The following AP2B1 variants were observed in gnomAD, a reference collection of about 807,000 sequenced individuals.
The protein encoded by AP2B1 is adaptor related protein complex 2 subunit beta 1.
Under a neutral mutation model 102.0 loss-of-function variants are expected in AP2B1, and 23 were observed. The observed-to-expected ratio is 0.23, with a 90% CI of 0.16 to 0.32. AP2B1 has a LOEUF of 0.32. Among genes scored for constraint, AP2B1 ranks in the 10% least tolerant of loss-of-function variants. The pLI is 1.00. For missense variants in AP2B1, 541 were observed against 1,157.4 expected (o/e 0.47, Z 7.73); for synonymous variants, 381 against 421.2 (o/e 0.90, Z 1.17).
At chr17:35,651,453 ACT>A (rs1469913738) in intron 13 of AP2B1, among the ~76,000 whole-genome samples, 1 of 152,080 alleles carries the variant, frequency 6.6e-6, no homozygotes, top group Non-Finnish European at 1.5e-5. Flanking sequence ...ACTCTAATAA[ACT>A]CTTACAATGG....
chr17:35,591,227 T>G (rs1220279754), intron 1 of AP2B1, among the ~76,000 whole-genome samples: 2 of 148,462 alleles, frequency 1.3e-5, no homozygotes. Context: ...GATCCCAACA[T>G]GTAGTCCCAG....
At chr17:35,609,226 C>T (rs2073782869) in intron 5 of AP2B1, among the ~76,000 whole-genome samples, 1 of 152,058 alleles carries the variant, frequency 6.6e-6, no homozygotes, top group Non-Finnish European at 1.5e-5. Context: ...TGCTCTGTGG[C>T]CAAGCTGGAG....
chr17:35,655,657 C>T (rs2075201618), intron 13 of AP2B1, among the ~76,000 whole-genome samples: 1 of 152,002 alleles, frequency 6.6e-6, no homozygotes, highest in South Asian at 2.1e-4. Flanking sequence ...GGGCATATAC[C>T]TAGGAGTAGA....
At chr17:35,720,112 G>A (rs1426544921) in intron 21 of AP2B1, among the ~76,000 whole-genome samples, 4 of 152,114 alleles carry the variant, frequency 2.6e-5, no homozygotes, top group African/African-American at 4.8e-5. Context: ...CCAAACAGAC[G>A]GGCTGGGCAC....
intron 3 of AP2B1, among the ~76,000 whole-genome samples, chr17:35,602,904 T>C (rs1253229061): frequency 2.0e-5 from 3 of 152,238 alleles, no homozygotes; most frequent in Non-Finnish European, 4.4e-5. Context: ...TATTGGTTAA[T>C]GTTTAACATT....
intron 3 of AP2B1, among the ~76,000 whole-genome samples, chr17:35,600,380 G>A (rs1050734040): frequency 3.3e-5 from 5 of 151,922 alleles, no homozygotes; most frequent in South Asian, 2.1e-4. Context: ...CACTGTTCCC[G>A]GGCTGTCTAG....
At chr17:35,608,505 T>G in intron 5 of AP2B1, 118 bp downstream of exon 5, 8 of 1,211,820 alleles carry the variant, frequency 6.6e-6, no homozygotes, top group Non-Finnish European at 2.3e-6. Flanking sequence ...ATGGGAAACA[T>G]GACTTTGTGT....
intron 2 of AP2B1, among the ~76,000 whole-genome samples, chr17:35,595,212 A>G (rs1040858346): frequency 3.3e-5 from 5 of 152,122 alleles, no homozygotes; most frequent in Admixed American, 3.3e-4. Context: ...GCCTGATTTC[A>G]GTTGTCCTGG....
At chr17:35,620,439 G>A (rs1329899299) in intron 5 of AP2B1, among the ~76,000 whole-genome samples, 1 of 152,114 alleles carries the variant, frequency 6.6e-6, no homozygotes, top group East Asian at 1.9e-4. Flanking sequence ...GCAAGACCCT[G>A]TCTCTTAAAA....
chr17:35,660,140 T>C (rs373879452), intron 14 of AP2B1: 1 of 902,378 alleles, frequency 1.1e-6, no homozygotes, highest in African/African-American at 1.9e-5. Flanking sequence ...CAAGAGAGGG[T>C]TTGTTTTGTT....
chr17:35,599,333 C>A (rs2073399683), intron 3 of AP2B1, among the ~76,000 whole-genome samples: 1 of 152,144 alleles, frequency 6.6e-6, no homozygotes, highest in South Asian at 2.1e-4. Context: ...ACAAAGTGAA[C>A]CTGTCACTTC....
chr17:35,665,737 A>T (rs2142924230), intron 14 of AP2B1, among the ~76,000 whole-genome samples: 1 of 152,332 alleles, frequency 6.6e-6, no homozygotes, highest in South Asian at 2.1e-4. Flanking sequence ...TAAAAGAGAC[A>T]CTAGCTCTAA....
At chr17:35,708,529 T>G (rs1211559670) in intron 18 of AP2B1, among the ~76,000 whole-genome samples, 1 of 152,180 alleles carries the variant, frequency 6.6e-6, no homozygotes, top group Non-Finnish European at 1.5e-5. Context: ...AGAAGAAAAT[T>G]TATTTATTTG....
At chr17:35,710,516 T>C (rs1378784373) in intron 20 of AP2B1, among the ~76,000 whole-genome samples, 196 bp downstream of exon 20, 1 of 152,260 alleles carries the variant, frequency 6.6e-6, no homozygotes, top group Non-Finnish European at 1.5e-5. Context: ...ACTAGATTAC[T>C]TACAAGCTAA....
At chr17:35,700,211 T>A (rs946071235) in intron 18 of AP2B1, among the ~76,000 whole-genome samples, 9 of 151,746 alleles carry the variant, frequency 5.9e-5, no homozygotes, top group Non-Finnish European at 1.0e-4. Flanking sequence ...AAACGGCCGC[T>A]TCTGCTTGAG....
chr17:35,628,461 G>A (rs1441131148), intron 9 of AP2B1, among the ~76,000 whole-genome samples: 1 of 152,116 alleles, frequency 6.6e-6, no homozygotes, highest in Non-Finnish European at 1.5e-5. Flanking sequence ...AAGTTAGCTG[G>A]GTGTGGTGGC....
chr17:35,706,651 T>G (rs1008379512), intron 18 of AP2B1, among the ~76,000 whole-genome samples: 4 of 151,734 alleles, frequency 2.6e-5, no homozygotes, highest in Non-Finnish European at 5.9e-5. Context: ...GTTTTCACTT[T>G]TTTTTTTTTG....
At chr17:35,601,063 G>A (rs1044706887) in intron 3 of AP2B1, 7 of 925,604 alleles carry the variant, frequency 7.6e-6, no homozygotes, top group Non-Finnish European at 6.4e-6. Flanking sequence ...TTTTGTAAAG[G>A]ACAAAATAGT....
chr17:35,705,841 C>T (rs587695126), intron 18 of AP2B1, among the ~76,000 whole-genome samples: 1 of 152,186 alleles, frequency 6.6e-6, no homozygotes, highest in South Asian at 2.1e-4. Context: ...TGTGCCCAGC[C>T]GAATTTTTCT....
Sources: allele counts gnomAD v4.1 joint callset (sites outside exome capture counted in the v4.1 genomes callset), GRCh38; gene constraint gnomAD v4.1.1; transcripts MANE v1.5; gene names NCBI Gene and HGNC (gene_info 2026-07-23, HGNC 2026-07-21).